The following PYDC5 variants were observed in gnomAD, a reference collection of about 807,000 sequenced individuals.
PYDC5 encodes pyrin domain containing 5.
At chr1:159,001,068 A>G in the PYDC5 span, among the ~76,000 whole-genome samples, 4 of 152,242 alleles carry the variant, frequency 2.6e-5, no homozygotes, top group Admixed American at 6.5e-5. Context: ...TCTTTATAAA[A>G]AAGAAAAATT....
the PYDC5 span, among the ~76,000 whole-genome samples, chr1:159,002,355 C>T: frequency 6.6e-6 from 1 of 151,864 alleles, no homozygotes; most frequent in East Asian, 1.9e-4. Flanking sequence ...TTATTTGCTT[C>T]GAAAACACCA....
chr1:159,000,317 C>T, the PYDC5 span: 4 of 239,656 alleles, frequency 1.7e-5, no homozygotes, highest in Non-Finnish European at 2.7e-5. Context: ...CTCCATCTCA[C>T]GACTTTTCAG....
chr1:159,002,356 G>A, the PYDC5 span, among the ~76,000 whole-genome samples: 125 of 151,676 alleles, frequency 8.2e-4, 1 homozygote, highest in South Asian at 4.2e-4. Flanking sequence ...TATTTGCTTC[G>A]AAAACACCAA....
the PYDC5 span, among the ~76,000 whole-genome samples, chr1:159,001,826 ATATTT>A: frequency 6.6e-6 from 1 of 152,264 alleles, no homozygotes; most frequent in Non-Finnish European, 1.5e-5. Context: ...TACTTAAAAC[ATATTT>A]TAAAGTATTT....
the PYDC5 span, among the ~76,000 whole-genome samples, chr1:159,001,600 GAAAGA>G: frequency 1.9e-3 from 284 of 152,200 alleles, no homozygotes; most frequent in Non-Finnish European, 3.5e-3. Context: ...TCTTACCAGT[GAAAGA>G]AAAGAAGGAA....
the PYDC5 span, among the ~76,000 whole-genome samples, chr1:159,001,172 C>T: frequency 6.6e-6 from 1 of 151,948 alleles, no homozygotes; most frequent in African/African-American, 2.4e-5. Flanking sequence ...TTGTACAGCC[C>T]ATGTGAAAAA....
chr1:159,000,832 A>ATGGC, the PYDC5 span, among the ~76,000 whole-genome samples: 1 of 152,124 alleles, frequency 6.6e-6, no homozygotes, highest in Non-Finnish European at 1.5e-5. Context: ...TCCCTCATGA[A>ATGGC]TGGCTCAGTG....
At chr1:159,002,186 C>A in the PYDC5 span, among the ~76,000 whole-genome samples, 1 of 152,066 alleles carries the variant, frequency 6.6e-6, no homozygotes. Context: ...TTACCTGGAA[C>A]CAAACAGCTA....
the PYDC5 span, among the ~76,000 whole-genome samples, chr1:159,001,624 T>C: frequency 1.3e-5 from 2 of 152,168 alleles, no homozygotes; most frequent in African/African-American, 4.8e-5. Flanking sequence ...AAATTTGCAT[T>C]TCCTGAGCAT....
At chr1:159,000,755 T>C in the PYDC5 span, among the ~76,000 whole-genome samples, 1 of 152,222 alleles carries the variant, frequency 6.6e-6, no homozygotes, top group African/African-American at 2.4e-5. Context: ...CCAAATCTCA[T>C]GCTGAAATGT....
chr1:159,002,038 G>T, the PYDC5 span, among the ~76,000 whole-genome samples: 1 of 152,274 alleles, frequency 6.6e-6, no homozygotes, highest in African/African-American at 2.4e-5. Flanking sequence ...AATGTTGAGG[G>T]AGCATATAAT....
chr1:159,000,763 T>A, the PYDC5 span, among the ~76,000 whole-genome samples: 1 of 152,288 alleles, frequency 6.6e-6, no homozygotes, highest in African/African-American at 2.4e-5. Flanking sequence ...CATGCTGAAA[T>A]GTGATTCCCA....
At chr1:159,001,094 A>C in the PYDC5 span, among the ~76,000 whole-genome samples, 1 of 152,368 alleles carries the variant, frequency 6.6e-6, no homozygotes, top group South Asian at 2.1e-4. Context: ...TAATACTTCC[A>C]AATCCTGAAA....
At chr1:159,000,166 T>G in the PYDC5 span, 1 of 199,044 alleles carries the variant, frequency 5.0e-6, no homozygotes, top group African/African-American at 2.4e-5. Context: ...TTAAATCAAG[T>G]TGGCTACTCG....
At chr1:159,002,212 T>C in the PYDC5 span, among the ~76,000 whole-genome samples, 2 of 152,156 alleles carry the variant, frequency 1.3e-5, no homozygotes, top group African/African-American at 4.8e-5. Context: ...AGACAGTACA[T>C]ATTACTGAAT....
At chr1:159,002,383 AG>A in the PYDC5 span, among the ~76,000 whole-genome samples, 6,724 of 152,242 alleles carry the variant, frequency 0.044, 391 homozygotes, top group East Asian at 0.26. Context: ...GATATATAGT[AG>A]TGTTATAATT....
the PYDC5 span, among the ~76,000 whole-genome samples, chr1:159,000,852 G>C: frequency 6.6e-6 from 1 of 152,044 alleles, no homozygotes; most frequent in African/African-American, 2.4e-5. Flanking sequence ...GCCATCCCCT[G>C]GTTGATGAGT....
the PYDC5 span, among the ~76,000 whole-genome samples, chr1:159,001,701 T>A: frequency 6.6e-6 from 1 of 152,186 alleles, no homozygotes; most frequent in Admixed American, 6.5e-5. Context: ...GCAACCCTCC[T>A]ACAACCCTAT....
At chr1:159,002,294 A>G in the PYDC5 span, among the ~76,000 whole-genome samples, 2 of 152,278 alleles carry the variant, frequency 1.3e-5, no homozygotes, top group Admixed American at 6.5e-5. Flanking sequence ...GAGAGTATGG[A>G]ATGATTCTCT....
Sources: gnomAD v4.1 joint callset for allele counts (sites outside exome capture counted in the v4.1 genomes callset) on GRCh38, gnomAD v4.1.1 for gene constraint, MANE v1.5 for transcripts, NCBI Gene and HGNC (gene_info 2026-07-23, HGNC 2026-07-21) for gene names.